The following EPHA6 variants were observed in gnomAD, a reference collection of about 807,000 sequenced individuals.
EPHA6 encodes the protein ephrin type-A receptor 6.
Under a neutral mutation model 112.0 loss-of-function variants are expected in EPHA6, and 50 were observed. The observed-to-expected ratio is 0.45, with a 90% confidence interval of 0.36 to 0.56. The LOEUF is 0.56. Among genes scored for constraint, EPHA6 ranks in the 20% least tolerant of loss-of-function variants. EPHA6 has a pLI of 0.00. For synonymous variants in EPHA6, 529 were observed against 490.7 expected (o/e 1.08, Z -1.03); for missense variants, 1,280 against 1,417.4 (o/e 0.90, Z 1.56).
chr3:97,400,806 A>C (rs1412906925), intron 5 of EPHA6, among the ~76,000 whole-genome samples: 1 of 151,608 alleles, frequency 6.6e-6, no homozygotes, highest in Non-Finnish European at 1.5e-5. Flanking sequence ...TAATTCTAAG[A>C]GTTTTTTGGT....
intron 3 of EPHA6, among the ~76,000 whole-genome samples, chr3:97,195,238 T>C (rs1196486905): frequency 1.7e-5 from 2 of 116,618 alleles, no homozygotes; most frequent in Non-Finnish European, 1.6e-5. Context: ...GTAACTGTTG[T>C]AAGTTACTTT....
At chr3:97,019,494 G>A (rs2044377745) in intron 3 of EPHA6, among the ~76,000 whole-genome samples, 1 of 152,114 alleles carries the variant, frequency 6.6e-6, no homozygotes, top group East Asian at 1.9e-4. Context: ...TGTGACTCCA[G>A]CTATGTTTTC....
At chr3:97,176,775 C>A (rs1432360921) in intron 3 of EPHA6, among the ~76,000 whole-genome samples, 4 of 151,460 alleles carry the variant, frequency 2.6e-5, no homozygotes, top group Non-Finnish European at 5.9e-5. Flanking sequence ...TTATTTGGAT[C>A]TTCTCTTTCT....
chr3:97,378,397 G>A (rs1256627785), intron 5 of EPHA6, among the ~76,000 whole-genome samples: 1 of 152,220 alleles, frequency 6.6e-6, no homozygotes, highest in Non-Finnish European at 1.5e-5. Context: ...CTAGGGCAGT[G>A]CGAAAGGGAA....
chr3:97,414,258 T>C (rs1465869415), intron 6 of EPHA6, among the ~76,000 whole-genome samples: 2 of 152,028 alleles, frequency 1.3e-5, no homozygotes, highest in African/African-American at 4.8e-5. Context: ...CAAATAAATA[T>C]CTTAATAAAG....
At chr3:97,690,545 G>A (rs2107706368) in intron 14 of EPHA6, among the ~76,000 whole-genome samples, 1 of 151,208 alleles carries the variant, frequency 6.6e-6, no homozygotes, top group African/African-American at 2.4e-5. Flanking sequence ...GAGGCTCACT[G>A]CAACCTCCAC....
At chr3:97,048,254 AC>A (rs2045576188) in intron 3 of EPHA6, among the ~76,000 whole-genome samples, 1 of 152,224 alleles carries the variant, frequency 6.6e-6, no homozygotes, top group South Asian at 2.1e-4. Context: ...AGAATAATTC[AC>A]TAAGAATATA....
chr3:97,596,886 A>ATATACATATATATATATATATG (rs1289941395), intron 12 of EPHA6, among the ~76,000 whole-genome samples: 9 of 134,052 alleles, frequency 6.7e-5, no homozygotes, highest in African/African-American at 2.3e-4. Context: ...ATATATATAT[A>ATATACATATATATATATATATG]TATATATATA....
At chr3:96,907,414 T>G (rs2038991649) in intron 2 of EPHA6, among the ~76,000 whole-genome samples, 1 of 151,796 alleles carries the variant, frequency 6.6e-6, no homozygotes, top group Admixed American at 6.6e-5. Context: ...CTAGGATTTA[T>G]TACCTTCTGA....
chr3:97,056,630 T>C (rs1470306901), intron 3 of EPHA6, among the ~76,000 whole-genome samples: 1 of 152,186 alleles, frequency 6.6e-6, no homozygotes, highest in Non-Finnish European at 1.5e-5. Flanking sequence ...GACGTATTGC[T>C]TGGATCTGGA....
At chr3:96,913,984 A>G (rs965446695) in intron 2 of EPHA6, among the ~76,000 whole-genome samples, 2 of 152,118 alleles carry the variant, frequency 1.3e-5, no homozygotes, top group Non-Finnish European at 1.5e-5. Context: ...TTTCAAGCAA[A>G]GTTTGTAGTG....
At chr3:96,997,645 G>A (rs940466219) in intron 3 of EPHA6, among the ~76,000 whole-genome samples, 13 of 151,900 alleles carry the variant, frequency 8.6e-5, no homozygotes, top group Middle Eastern at 3.4e-3. Context: ...AATAGGGTAG[G>A]GACATTGAAA....
intron 12 of EPHA6, among the ~76,000 whole-genome samples, chr3:97,593,343 A>C (rs2093561526): frequency 6.6e-6 from 1 of 152,198 alleles, no homozygotes; most frequent in East Asian, 1.9e-4. Flanking sequence ...AACACTTTGC[A>C]GGTTATCCAT....
intron 3 of EPHA6, among the ~76,000 whole-genome samples, chr3:97,186,891 A>G (rs1235933179): frequency 1.3e-5 from 2 of 152,050 alleles, no homozygotes; most frequent in Non-Finnish European, 2.9e-5. Flanking sequence ...CACATTACCA[A>G]TTTACCAAAT....
chr3:97,538,023 A>G (rs1262542334), intron 11 of EPHA6, among the ~76,000 whole-genome samples: 1 of 152,236 alleles, frequency 6.6e-6, no homozygotes, highest in East Asian at 1.9e-4. Context: ...TAGGTGTGAT[A>G]GAAGAGTATT....
At chr3:97,605,780 A>C (rs2093676419) in intron 12 of EPHA6, among the ~76,000 whole-genome samples, 1 of 151,600 alleles carries the variant, frequency 6.6e-6, no homozygotes, top group South Asian at 2.1e-4. Context: ...TCTGTGAAAA[A>C]TGAGGTTGGT....
At chr3:97,719,979 G>A (rs1474550125) in intron 14 of EPHA6, among the ~76,000 whole-genome samples, 1 of 152,120 alleles carries the variant, frequency 6.6e-6, no homozygotes, top group Non-Finnish European at 1.5e-5. Flanking sequence ...TTATAGAGGG[G>A]TTAATTGTGT....
Position 97,714,345 on chromosome 3 carries a change from T to C in EPHA6, c.2785-5916T>C, listed in dbSNP as rs148352748. Among the ~76,000 whole-genome samples, 17 of 152,346 alleles carry C rather than the reference T, an allele frequency of 1.1e-4. No homozygotes were observed. In the East Asian group the frequency reaches 3.1e-3, roughly 28 times the overall value. On this transcript the variant is annotated intron_variant, in intron 14 of 17. Transcript: ENST00000389672. ...GCCAAAATATGAGAAGTTTCTCCTT[T>C]GTAGCTATAAATGAATTCATTCCAC...
intron 11 of EPHA6, among the ~76,000 whole-genome samples, chr3:97,568,201 T>G (rs1321403210): frequency 6.6e-6 from 1 of 152,118 alleles, no homozygotes; most frequent in Non-Finnish European, 1.5e-5. Context: ...CATCATAACA[T>G]GCAAAAAATT....
Sources: gnomAD v4.1 joint callset for allele counts (sites outside exome capture counted in the v4.1 genomes callset) on GRCh38, gnomAD v4.1.1 for gene constraint, MANE v1.5 for transcripts, NCBI Gene and HGNC (gene_info 2026-07-23, HGNC 2026-07-21) for gene names.